The following GLT8D2 variants were observed in gnomAD, a reference collection of about 807,000 sequenced individuals.
GLT8D2 encodes glycosyltransferase 8 domain-containing protein 2.
Under a neutral mutation model 44.5 loss-of-function variants are expected in GLT8D2, and 45 were observed. That is an observed-to-expected ratio of 1.01 (90% confidence interval 0.80 to 1.30). The LOEUF is 1.30. Among genes scored for constraint, GLT8D2 ranks in the 50% most tolerant of loss-of-function variants. The pLI is 0.00. For missense variants in GLT8D2, 400 were observed against 430.4 expected (o/e 0.93, Z 0.62); for synonymous variants, 156 against 157.2 (o/e 0.99, Z 0.06).
upstream of GLT8D2, among the ~76,000 whole-genome samples, chr12:104,051,421 A>G (rs1442324334): frequency 6.6e-6 from 1 of 151,926 alleles, no homozygotes; most frequent in African/African-American, 2.4e-5. Context: ...CATTATTAAG[A>G]AGATGTTTTA....
intron 1 of GLT8D2, among the ~76,000 whole-genome samples, chr12:104,042,412 C>T (rs1667785215): frequency 6.6e-6 from 1 of 152,224 alleles, no homozygotes; most frequent in African/African-American, 2.4e-5. Context: ...CTCCTCCAAA[C>T]TTCTTATGTG....
At chr12:104,059,667 T>C (rs200785341) in intron 1 of GLT8D2, among the ~76,000 whole-genome samples, 1 of 111,994 alleles carries the variant, frequency 8.9e-6, no homozygotes, top group African/African-American at 4.7e-5. Context: ...GGAGAGCAGA[T>C]CTTGAAGGAG....
chr12:104,021,167 G>T (rs745507432), intron 2 of GLT8D2, among the ~76,000 whole-genome samples, 190 bp downstream of exon 2: 3 of 152,178 alleles, frequency 2.0e-5, no homozygotes, highest in African/African-American at 7.2e-5. Flanking sequence ...TTAACTGCTG[G>T]CAGAGTTCCC....
chr12:104,014,571 G>A (rs1428855268), intron 4 of GLT8D2, among the ~76,000 whole-genome samples: 1 of 152,146 alleles, frequency 6.6e-6, no homozygotes, highest in Non-Finnish European at 1.5e-5. Flanking sequence ...GCACTGATGG[G>A]AATGAACCAG....
chr12:104,039,390 T>C (rs1422336302), intron 1 of GLT8D2, among the ~76,000 whole-genome samples: 5 of 152,154 alleles, frequency 3.3e-5, no homozygotes, highest in African/African-American at 1.2e-4. Context: ...TTTTGCAATC[T>C]ACCCATCTGA....
intron 1 of GLT8D2, among the ~76,000 whole-genome samples, chr12:104,041,593 C>G (rs994869585): frequency 1.8e-4 from 27 of 152,114 alleles, no homozygotes; most frequent in African/African-American, 5.8e-4. Flanking sequence ...ACAGCAACAA[C>G]AACAAAGCTA....
chr12:104,010,924 T>C (rs1875751326), intron 4 of GLT8D2, among the ~76,000 whole-genome samples: 1 of 152,216 alleles, frequency 6.6e-6, no homozygotes, highest in Admixed American at 6.5e-5. Context: ...GACGGAGGCC[T>C]TCAGCAGACT....
intron 8 of GLT8D2, among the ~76,000 whole-genome samples, chr12:103,994,740 A>G (rs941177286): frequency 7.9e-5 from 12 of 152,170 alleles, no homozygotes; most frequent in African/African-American, 2.9e-4. Flanking sequence ...AACTCCATAA[A>G]CAGCCTTGTC....
At chr12:104,015,409 C>CACACACACACAG (rs1290340413) in intron 3 of GLT8D2, among the ~76,000 whole-genome samples, 2 of 149,762 alleles carry the variant, frequency 1.3e-5, no homozygotes, top group Non-Finnish European at 3.0e-5. Context: ...CACACACACA[C>CACACACACACAG]ACACACACAC....
chr12:104,025,298 T>C (rs1566204374), intron 1 of GLT8D2, among the ~76,000 whole-genome samples: 1 of 151,914 alleles, frequency 6.6e-6, no homozygotes, highest in Non-Finnish European at 1.5e-5. Flanking sequence ...AACCTCCACC[T>C]CCCAGGCTCA....
Position 104,035,695 on chromosome 12 carries a change from G to T in GLT8D2, c.-164+14200C>A, listed in dbSNP as rs917904455. ...GAAAAGACCAAATCTACATTTGATT[G>T]GTGTACCTGAAAGTGACGGGGAGAA... On this transcript the variant is annotated intron_variant, in intron 1 of 10. Coordinates refer to ENST00000360814, the MANE Select transcript of GLT8D2 (RefSeq NM_001384711.1). 2.6e-5 allele frequency among the ~76,000 whole-genome samples: 4 copies of T among 152,168 alleles called. No homozygotes were observed. In the South Asian group the frequency reaches 6.2e-4, roughly 24 times the overall value.
At chr12:104,059,747 C>A (rs1006925306) in intron 1 of GLT8D2, among the ~76,000 whole-genome samples, 2 of 152,090 alleles carry the variant, frequency 1.3e-5, no homozygotes, top group African/African-American at 2.4e-5. Flanking sequence ...TCCTTCCCAG[C>A]CTCAATAATG....
rs543954517 is a variant in GLT8D2 at position 104,027,379 on chromosome 12, C to T, written c.-163-5888G>A. Among the ~76,000 whole-genome samples the T allele has an allele frequency of 7.2e-5, 11 of 152,340 alleles. No individual in the cohort carries two copies. In the South Asian group the frequency reaches 2.3e-3, roughly 32 times the overall value. The stretch of plus-strand genomic sequence containing the variant: ...CCTCCTCCCACTCCATGAAAGAAGC[C>T]ATCTGGTATCACAGGAGAGAACGGG... On this transcript the variant is annotated intron_variant, in intron 1 of 10. Coordinates refer to ENST00000360814, the MANE Select transcript of GLT8D2 (RefSeq NM_001384711.1).
intron 1 of GLT8D2, chr12:104,031,586 C>T: frequency 6.2e-7 from 1 of 1,606,778 alleles, no homozygotes; most frequent in Non-Finnish European, 8.5e-7. Flanking sequence ...ACCCTCCCTG[C>T]CCATCTTGTC....
intron 1 of GLT8D2, among the ~76,000 whole-genome samples, chr12:104,045,045 G>A (rs578036818): frequency 4.0e-4 from 61 of 152,330 alleles, no homozygotes; most frequent in African/African-American, 1.4e-3. Context: ...TGAGGACAGC[G>A]ACTGTGGCTT....
chr12:103,989,394 AG>A lies in GLT8D2; in HGVS notation c.*13del. 2.5e-6 allele frequency: 4 copies of A among 1,583,648 alleles called. No individual in the cohort carries two copies. The highest frequency in any genetic ancestry group is 3.4e-6 in the Non-Finnish European group (4 of 1,165,230). Reference sequence around the variant, plus strand: ...ACATTTCTATACAGGGAATATTTTAAGGGTAGAGTTATATCAGCTATGGTGA... The same window carrying A: ...ACATTTCTATACAGGGAATATTTTAAGGTAGAGTTATATCAGCTATGGTGA... On this transcript the variant is annotated 3_prime_UTR_variant, in exon 11 of 11. Coordinates refer to ENST00000360814, the MANE Select transcript of GLT8D2 (RefSeq NM_001384711.1).
chr12:104,002,197 C>G (rs1414238674), intron 5 of GLT8D2, among the ~76,000 whole-genome samples: 1 of 152,160 alleles, frequency 6.6e-6, no homozygotes. Context: ...GATCCCAAGT[C>G]ATCCTTTTTC....
intron 4 of GLT8D2, among the ~76,000 whole-genome samples, chr12:104,008,015 T>C (rs1875314302): frequency 6.6e-6 from 1 of 152,218 alleles, no homozygotes; most frequent in Non-Finnish European, 1.5e-5. Context: ...TAAAACTCTT[T>C]TTCTTCCCAG....
At chr12:104,015,424 A>ACACT (rs1259115449) in intron 3 of GLT8D2, among the ~76,000 whole-genome samples, 2 of 150,880 alleles carry the variant, frequency 1.3e-5, no homozygotes, top group Non-Finnish European at 2.9e-5. Context: ...ACACACACAC[A>ACACT]CACACACACA....
Sources: gnomAD v4.1 joint callset for allele counts (sites outside exome capture counted in the v4.1 genomes callset) on GRCh38, gnomAD v4.1.1 for gene constraint, MANE v1.5 for transcripts, NCBI Gene and HGNC (gene_info 2026-07-23, HGNC 2026-07-21) for gene names.